Variants in RORA observed in about 807,000 individuals in gnomAD.
RORA encodes the protein nuclear receptor ROR-alpha.
In RORA, 7 loss-of-function variants were observed where a neutral mutation model predicts 69.5. The observed-to-expected ratio is 0.10, with a 90% confidence interval of 0.06 to 0.19. The LOEUF is 0.19. Ranked by LOEUF, RORA falls within the 10% of genes least tolerant of loss-of-function variation. The pLI is 1.00. For synonymous variants in RORA, 261 were observed against 240.8 expected, an observed-to-expected ratio of 1.08 and a Z score of -0.78; for missense variants, 457 against 663.0, an observed-to-expected ratio of 0.69 and a Z score of 3.41.
intron 2 of RORA, chr15:60,557,028 AG>A (rs1204308039): frequency 1.1e-6 from 1 of 942,542 alleles, no homozygotes; most frequent in Middle Eastern, 2.2e-4. Flanking sequence ...AACAGCAATA[AG>A]TACCCAAAAA....
intron 1 of RORA, among the ~76,000 whole-genome samples, chr15:60,744,918 C>T (rs1473608414): frequency 6.6e-6 from 1 of 152,202 alleles, no homozygotes; most frequent in Non-Finnish European, 1.5e-5. Flanking sequence ...CCCGGGGCCT[C>T]CACCACTGAT....
intron 1 of RORA, among the ~76,000 whole-genome samples, chr15:60,958,858 G>C (rs1009906346): frequency 6.6e-6 from 1 of 152,136 alleles, no homozygotes; most frequent in East Asian, 1.9e-4. Context: ...CACTCAGTAG[G>C]TTTGCACAGC....
At chr15:60,764,633 A>T (rs2071952685) in intron 1 of RORA, 1 of 152,194 alleles carries the variant, frequency 6.6e-6, no homozygotes, top group Non-Finnish European at 1.5e-5. Context: ...CTAATTAGAG[A>T]TGATACTTCA....
At chr15:61,060,313 G>A (rs541915891) in intron 1 of RORA, among the ~76,000 whole-genome samples, 1 of 152,218 alleles carries the variant, frequency 6.6e-6, no homozygotes, top group South Asian at 2.1e-4. Context: ...TCTCTTTCCC[G>A]CGTTCCTCTT....
chr15:60,771,194 C>CTCCCACA (rs1454040231), intron 1 of RORA, among the ~76,000 whole-genome samples: 1 of 151,830 alleles, frequency 6.6e-6, no homozygotes, highest in Non-Finnish European at 1.5e-5. Context: ...CTCCCCCTAC[C>CTCCCACA]CTCCATTCCA....
At chr15:61,094,994 C>T (rs761192900) in intron 1 of RORA, among the ~76,000 whole-genome samples, 6 of 152,234 alleles carry the variant, frequency 3.9e-5, no homozygotes, top group Non-Finnish European at 7.3e-5. Flanking sequence ...AGTCTTTCTG[C>T]ATCAACCTGG....
At chr15:60,582,619 T>C (rs2068224116) in intron 2 of RORA, among the ~76,000 whole-genome samples, 1 of 152,170 alleles carries the variant, frequency 6.6e-6, no homozygotes, top group South Asian at 2.1e-4. Flanking sequence ...AGTGAGGGTG[T>C]TGGGCTTCAG....
intron 1 of RORA, among the ~76,000 whole-genome samples, chr15:60,951,789 C>A (rs1023761871): frequency 6.6e-6 from 1 of 152,100 alleles, no homozygotes; most frequent in Admixed American, 6.6e-5. Context: ...GAAATTGTGG[C>A]AATAGTCAAT....
intron 1 of RORA, among the ~76,000 whole-genome samples, chr15:61,113,641 A>T (rs948135472): frequency 5.3e-5 from 8 of 152,160 alleles, no homozygotes; most frequent in Non-Finnish European, 1.2e-4. Flanking sequence ...TCTAGCTAGG[A>T]AGTTCCTGAG....
intron 8 of RORA, among the ~76,000 whole-genome samples, chr15:60,502,268 C>T (rs2065354258): frequency 6.6e-6 from 1 of 152,192 alleles, no homozygotes; most frequent in Non-Finnish European, 1.5e-5. Flanking sequence ...GCATGAGTCA[C>T]CGCACCTGGC....
chr15:61,048,835 G>C (rs1333582604), intron 1 of RORA, among the ~76,000 whole-genome samples: 1 of 152,088 alleles, frequency 6.6e-6, no homozygotes, highest in African/African-American at 2.4e-5. Flanking sequence ...AGTTTCATGG[G>C]AGTCAAGACT....
Position 60,511,213 on chromosome 15 carries a change from T to C in RORA, c.820+13A>G. On this transcript the variant is annotated intron_variant, in intron 5 of 10. Coordinates refer to ENST00000335670, the MANE Select transcript of RORA (RefSeq NM_134261.3). This position sits in a 1 kb window ranked among gnomAD's most constrained non-coding sequence, Gnocchi z 6.4. The stretch of plus-strand genomic sequence containing the variant: ...TGAATAGAGCATCCCAGGAGAAGCA[T>C]GCATGCCATTACCTAATTCTGCCAT... The C allele has an allele frequency of 1.2e-6, 2 of 1,603,266 alleles. No homozygotes were observed. The highest frequency in any genetic ancestry group is 1.1e-5 in the South Asian group (1 of 88,374).
At chr15:61,095,761 C>T (rs549957724) in intron 1 of RORA, among the ~76,000 whole-genome samples, 18 of 152,260 alleles carry the variant, frequency 1.2e-4, no homozygotes, top group Admixed American at 9.2e-4. Flanking sequence ...ACTGGAGGAC[C>T]CCAAGGTCCA....
chr15:60,503,273 A>G (rs1442140224), intron 7 of RORA, among the ~76,000 whole-genome samples: 1 of 152,156 alleles, frequency 6.6e-6, no homozygotes, highest in East Asian at 1.9e-4. Context: ...GTGTAGAAAC[A>G]AAACACACGT....
intron 3 of RORA, chr15:60,530,797 A>G (rs1053060833): frequency 1.7e-4 from 26 of 152,310 alleles, no homozygotes; most frequent in African/African-American, 5.3e-4. Flanking sequence ...AGCCTCAAAA[A>G]GCCTTAGGGC....
chr15:60,945,973 G>C (rs912039922), intron 1 of RORA, among the ~76,000 whole-genome samples: 2 of 152,154 alleles, frequency 1.3e-5, no homozygotes, highest in East Asian at 3.8e-4. Context: ...AATGTACCAG[G>C]TTCCCCACCC....
chr15:61,130,483 C>T (rs1020696102), intron 1 of RORA, among the ~76,000 whole-genome samples: 6 of 152,182 alleles, frequency 3.9e-5, no homozygotes, highest in African/African-American at 1.2e-4. Context: ...CACTGCCTTT[C>T]GCAGTGTGAG....
At chr15:60,659,203 G>A (rs745313962) in intron 2 of RORA, among the ~76,000 whole-genome samples, 50 of 152,162 alleles carry the variant, frequency 3.3e-4, no homozygotes, top group African/African-American at 1.2e-3. Context: ...TTTGATCCCC[G>A]GAGGGAAGAT....
rs191696296 is a variant in RORA at position 60,900,182 on chromosome 15, T to C, written c.167-221496A>G. 7.2e-4 allele frequency among the ~76,000 whole-genome samples: 110 copies of C among 152,322 alleles called. 1 individual carries two copies. Among genetic ancestry groups the C allele is most frequent in the Middle Eastern group, 3.4e-3 (1 of 294 alleles). On this transcript the variant is annotated intron_variant, in intron 1 of 10. Coordinates refer to ENST00000335670, the MANE Select transcript of RORA (RefSeq NM_134261.3). ...ACTACAAAGTCCAAGATGGGAAAGG[T>C]CATTTATTGTCTGCCAGATGGGATG... is the stretch of plus-strand genomic sequence containing the variant.
Sources: gnomAD v4.1 joint callset for allele counts (sites outside exome capture counted in the v4.1 genomes callset) on GRCh38, gnomAD v4.1.1 for gene constraint, Gnocchi (gnomAD v3.1) non-coding constraint, MANE v1.5 for transcripts, NCBI Gene and HGNC (gene_info 2026-07-23, HGNC 2026-07-21) for gene names.